Variants in SUGCT observed in about 807,000 individuals in gnomAD.
SUGCT encodes succinyl-CoA:glutarate CoA-transferase.
Under a neutral mutation model 55.0 loss-of-function variants are expected in SUGCT, and 41 were observed. That is an observed-to-expected ratio of 0.74 (90% confidence interval 0.58 to 0.97). The LOEUF is 0.97. Among genes scored for constraint, SUGCT ranks in the 50% least tolerant of loss-of-function variants. The probability of loss-of-function intolerance (pLI) is 0.00; values close to 1 mark genes in which losing one functional copy is unlikely to be tolerated. For synonymous variants in SUGCT, 187 were observed against 200.4 expected (o/e 0.93, Z 0.56); for missense variants, 568 against 547.8 (o/e 1.04, Z -0.37).
At chr7:40,641,353 A>T (rs902780831) in intron 12 of SUGCT, among the ~76,000 whole-genome samples, 4 of 152,140 alleles carry the variant, frequency 2.6e-5, no homozygotes, top group African/African-American at 9.7e-5. Flanking sequence ...AAATATGAAG[A>T]TCATTTGCAG....
At chr7:40,991,638 C>T in the SUGCT span, among the ~76,000 whole-genome samples, 5 of 152,168 alleles carry the variant, frequency 3.3e-5, no homozygotes, top group East Asian at 3.9e-4. Flanking sequence ...TGAGGCAGGC[C>T]GGAGGGAATT....
At chr7:41,011,209 C>A in the SUGCT span, among the ~76,000 whole-genome samples, 1 of 152,176 alleles carries the variant, frequency 6.6e-6, no homozygotes. Context: ...TCCAGCCATC[C>A]AGATGAGATC....
intron 7 of SUGCT, among the ~76,000 whole-genome samples, chr7:40,272,432 C>T (rs1334698234): frequency 6.7e-6 from 1 of 149,742 alleles, no homozygotes; most frequent in Non-Finnish European, 1.5e-5. Context: ...CCTGCTTGGC[C>T]TCCAAAGTGT....
the SUGCT span, among the ~76,000 whole-genome samples, chr7:41,001,812 G>A: frequency 2.0e-5 from 3 of 152,068 alleles, no homozygotes; most frequent in Non-Finnish European, 4.4e-5. Flanking sequence ...ATACATTTTC[G>A]GAGGACACAA....
chr7:40,583,294 G>A (rs1169231678), intron 12 of SUGCT, among the ~76,000 whole-genome samples: 1 of 151,980 alleles, frequency 6.6e-6, no homozygotes, highest in South Asian at 2.1e-4. Context: ...AGTGATTGAA[G>A]TTTTTTCTTG....
intron 12 of SUGCT, among the ~76,000 whole-genome samples, chr7:40,591,594 T>C (rs979425094): frequency 2.0e-5 from 3 of 152,202 alleles, no homozygotes; most frequent in Non-Finnish European, 4.4e-5. Flanking sequence ...TAGTATCGCA[T>C]GTAACAGAGA....
chr7:40,393,671 C>T (rs1443034551), intron 9 of SUGCT, among the ~76,000 whole-genome samples: 1 of 151,988 alleles, frequency 6.6e-6, no homozygotes, highest in Non-Finnish European at 1.5e-5. Context: ...GCATAGGTCC[C>T]CAGTGAGTCC....
At chr7:40,968,010 TGC>T in the SUGCT span, 16 of 152,316 alleles carry the variant, frequency 1.1e-4, no homozygotes, top group Middle Eastern at 3.4e-3. Context: ...TAATAACAGA[TGC>T]TATTTAATAC....
intron 13 of SUGCT, among the ~76,000 whole-genome samples, chr7:40,754,556 G>C (rs554642461): frequency 1.3e-5 from 2 of 152,306 alleles, no homozygotes; most frequent in African/African-American, 2.4e-5. Flanking sequence ...AGGGAAACAG[G>C]CATGAACAAT....
chr7:40,138,949 A>G (rs1337166295), intron 1 of SUGCT, among the ~76,000 whole-genome samples: 1 of 151,962 alleles, frequency 6.6e-6, no homozygotes, highest in Non-Finnish European at 1.5e-5. Context: ...CATACTGCCA[A>G]TGTTTGAGAA....
At chr7:40,643,540 C>T (rs781670560) in intron 12 of SUGCT, among the ~76,000 whole-genome samples, 1 of 152,032 alleles carries the variant, frequency 6.6e-6, no homozygotes, top group Admixed American at 6.5e-5. Flanking sequence ...AACAAGAACA[C>T]CTCTGTCTTT....
chr7:41,015,825 C>T, the SUGCT span, among the ~76,000 whole-genome samples: 1 of 152,254 alleles, frequency 6.6e-6, no homozygotes, highest in African/African-American at 2.4e-5. Context: ...ATATATCCCC[C>T]AAATATTTTT....
At chr7:40,774,777 T>TAA (rs5883739) in intron 13 of SUGCT, among the ~76,000 whole-genome samples, 9 of 132,650 alleles carry the variant, frequency 6.8e-5, no homozygotes, top group East Asian at 2.1e-4. Flanking sequence ...TTTTGGCAAA[T>TAA]AAAAAAAAAA....
In SUGCT at chr7:40,265,950, C is replaced by G. The variant is rs1037105039; in HGVS notation, c.577-8563C>G. ...TGGACAACAGAGCAAAACTCTGTCT[C>G]AAAAAAAACCACACACACACACACA... On this transcript the variant is annotated intron_variant, in intron 7 of 13. Coordinates refer to ENST00000335693, the MANE Select transcript of SUGCT (RefSeq NM_001193313.2). 2.2e-5 allele frequency among the ~76,000 whole-genome samples: 3 copies of G among 137,098 alleles called. No individual in the cohort carries two copies. The Admixed American group carries it at 2.2e-4, about 10-fold the overall frequency. 89.9% of individuals were successfully genotyped at this position (137,098 alleles called of 152,430 possible).
At chr7:41,019,974 G>C in the SUGCT span, among the ~76,000 whole-genome samples, 7 of 152,244 alleles carry the variant, frequency 4.6e-5, no homozygotes, top group South Asian at 1.5e-3. Context: ...TTTTTCCTGT[G>C]TTCAATATTC....
At chr7:40,810,724 T>G (rs1402666573) in intron 13 of SUGCT, among the ~76,000 whole-genome samples, 3 of 152,206 alleles carry the variant, frequency 2.0e-5, no homozygotes, top group Non-Finnish European at 4.4e-5. Context: ...CATCTGTTTA[T>G]TCTGTTGATA....
intron 6 of SUGCT, among the ~76,000 whole-genome samples, chr7:40,232,055 C>A (rs1332938310): frequency 6.6e-6 from 1 of 152,112 alleles, no homozygotes; most frequent in Non-Finnish European, 1.5e-5. Flanking sequence ...GAGCTAAGAT[C>A]ACACCACTAC....
chr7:40,424,662 T>G (rs986350994), intron 9 of SUGCT, among the ~76,000 whole-genome samples: 1 of 152,156 alleles, frequency 6.6e-6, no homozygotes, highest in South Asian at 2.1e-4. Context: ...ATTTAATAAA[T>G]TTAACTACTA....
At chr7:40,409,558 C>T (rs1786559240) in intron 9 of SUGCT, among the ~76,000 whole-genome samples, 1 of 152,132 alleles carries the variant, frequency 6.6e-6, no homozygotes, top group African/African-American at 2.4e-5. Context: ...CCATACCTGG[C>T]CCCTGTTGTC....
Sources: allele counts gnomAD v4.1 joint callset (sites outside exome capture counted in the v4.1 genomes callset), GRCh38; gene constraint gnomAD v4.1.1; transcripts MANE v1.5; gene names NCBI Gene and HGNC (gene_info 2026-07-23, HGNC 2026-07-21).